The following RARB variants were observed in gnomAD, a reference collection of about 807,000 sequenced individuals.
RARB encodes the protein HBV-activated protein.
A neutral mutation model predicts 51.9 loss-of-function variants in RARB; 17 were observed. The ratio of observed to expected loss-of-function variants is 0.33; its 90% confidence interval spans 0.22 to 0.49. RARB has a LOEUF of 0.49. Among genes scored for constraint, RARB ranks in the 20% least tolerant of loss-of-function variants. The pLI, the probability that RARB is intolerant of heterozygous loss-of-function variation, is 0.99. For synonymous variants in RARB, 215 were observed against 195.4 expected (o/e 1.10, Z -0.84); for missense variants, 369 against 550.8 (o/e 0.67, Z 3.30).
rs1575210582 is a variant in RARB, at chr3:25,195,541, T to C, written c.178+20966T>C. Among the ~76,000 whole-genome samples the C allele has an allele frequency of 2.0e-5, 3 of 152,168 alleles. No homozygotes were observed. In the East Asian group the frequency reaches 5.8e-4, roughly 29 times the overall value. The stretch of plus-strand genomic sequence containing the variant: ...AGGTGAATTCATCACATCTTATTCC[T>C]TTAACTACTTTCCAACTTTACTGAA... On this transcript the variant is annotated intron_variant, in intron 5 of 11. Coordinates refer to the RARB transcript ENST00000383772.
intron 2 of RARB, among the ~76,000 whole-genome samples, chr3:25,485,333 C>G (rs902726734): frequency 6.6e-6 from 1 of 152,200 alleles, no homozygotes; most frequent in Non-Finnish European, 1.5e-5. Flanking sequence ...TATAAATCCT[C>G]AGACCCCAGA....
chr3:24,877,015 A>T (rs919873212), intron 2 of RARB, among the ~76,000 whole-genome samples: 1 of 152,298 alleles, frequency 6.6e-6, no homozygotes. Flanking sequence ...AATAGTACAA[A>T]TTGAAATGAC....
At chr3:25,372,487 A>G (rs1706330852) in intron 5 of RARB, among the ~76,000 whole-genome samples, 1 of 152,218 alleles carries the variant, frequency 6.6e-6, no homozygotes, top group Admixed American at 6.5e-5. Context: ...AGAGAGCTGT[A>G]ATATGTTCCA....
intron 3 of RARB, among the ~76,000 whole-genome samples, chr3:25,554,916 A>G (rs1369443412): frequency 6.6e-6 from 1 of 152,130 alleles, no homozygotes; most frequent in Non-Finnish European, 1.5e-5. Flanking sequence ...TTATAAAGCC[A>G]TCAGTTCCTC....
intron 5 of RARB, among the ~76,000 whole-genome samples, chr3:25,371,641 C>T (rs1706302249): frequency 6.6e-6 from 1 of 152,188 alleles, no homozygotes; most frequent in South Asian, 2.1e-4. Context: ...TAAACGCTCG[C>T]CCTGGGGCAA....
intron 2 of RARB, among the ~76,000 whole-genome samples, chr3:24,908,552 G>C (rs1301692566): frequency 1.3e-5 from 2 of 151,072 alleles, no homozygotes; most frequent in South Asian, 4.2e-4. Flanking sequence ...GTTTGGAAAT[G>C]CTTTCTTGAA....
At chr3:25,055,375 T>C (rs1178198233) in intron 2 of RARB, among the ~76,000 whole-genome samples, 1 of 152,152 alleles carries the variant, frequency 6.6e-6, no homozygotes, top group Non-Finnish European at 1.5e-5. Context: ...ATAATTCTGC[T>C]GTCAACAACA....
chr3:25,441,291 A>G, intron 1 of RARB: 1 of 402,102 alleles, frequency 2.5e-6, no homozygotes, highest in South Asian at 2.1e-5. Context: ...CTGGAAGCTC[A>G]GATCTGTTTT....
chr3:24,973,320 T>A (rs1180572785), intron 2 of RARB, among the ~76,000 whole-genome samples: 1 of 151,978 alleles, frequency 6.6e-6, no homozygotes, highest in Non-Finnish European at 1.5e-5. Flanking sequence ...CTCTATTCTG[T>A]TCCACTGATC....
chr3:25,281,485 C>T (rs906237777), intron 5 of RARB, among the ~76,000 whole-genome samples: 4 of 152,278 alleles, frequency 2.6e-5, no homozygotes, highest in Middle Eastern at 3.4e-3. Flanking sequence ...TATTCTCTTA[C>T]GGGTGAACCA....
intron 4 of RARB, among the ~76,000 whole-genome samples, chr3:25,158,228 C>A (rs943524634): frequency 5.9e-5 from 9 of 152,180 alleles, no homozygotes; most frequent in African/African-American, 2.2e-4. Flanking sequence ...CATAATTTTA[C>A]CTGAGAGATC....
At chr3:25,479,096 ATTCTG>A (rs1696102420) in intron 2 of RARB, among the ~76,000 whole-genome samples, 1 of 151,880 alleles carries the variant, frequency 6.6e-6, no homozygotes, top group Admixed American at 6.6e-5. Flanking sequence ...ACAGGCATGA[ATTCTG>A]TACATATTTC....
intron 4 of RARB, among the ~76,000 whole-genome samples, chr3:25,167,694 A>G (rs1248985839): frequency 1.3e-5 from 2 of 152,224 alleles, no homozygotes; most frequent in African/African-American, 2.4e-5. Flanking sequence ...TGAAGAAACT[A>G]AATCAGAGGG....
intron 5 of RARB, among the ~76,000 whole-genome samples, chr3:25,337,874 G>A (rs1705110102): frequency 1.3e-5 from 2 of 151,946 alleles, no homozygotes; most frequent in African/African-American, 4.8e-5. Context: ...GATTTAGAGT[G>A]GATACTCAAT....
intron 5 of RARB, among the ~76,000 whole-genome samples, chr3:25,257,199 A>T (rs886157553): frequency 4.6e-5 from 7 of 152,066 alleles, no homozygotes; most frequent in South Asian, 4.1e-4. Flanking sequence ...ACTTAATTTG[A>T]TGCTTGAATG....
At chr3:25,478,448 C>T (rs752424823) in intron 2 of RARB, among the ~76,000 whole-genome samples, 7 of 152,144 alleles carry the variant, frequency 4.6e-5, no homozygotes, top group Non-Finnish European at 1.0e-4. Context: ...TCTGTGCCCT[C>T]GGAAGACTAG....
rs547989349 is a variant in RARB, at chr3:25,339,890, C to T, written c.179-121303C>T. 5.3e-5 allele frequency among the ~76,000 whole-genome samples: 8 copies of T among 152,210 alleles called. No homozygotes were observed. The East Asian group carries it at 5.8e-4, about 11-fold the overall frequency. The stretch of plus-strand genomic sequence containing the variant: ...TTTCCACAAAACTGCATAAAACTTG[C>T]ACAACTCTGGCTGCAGTTTTTATAT... On this transcript the variant is annotated intron_variant, in intron 5 of 11. Coordinates refer to the RARB transcript ENST00000383772.
intron 2 of RARB, among the ~76,000 whole-genome samples, chr3:25,013,755 T>C (rs1199446686): frequency 6.6e-6 from 1 of 152,090 alleles, no homozygotes; most frequent in Non-Finnish European, 1.5e-5. Context: ...CAGAAAGGTC[T>C]CCCACACCGG....
At chr3:25,357,653 T>C (rs1705786421) in intron 5 of RARB, among the ~76,000 whole-genome samples, 1 of 152,340 alleles carries the variant, frequency 6.6e-6, no homozygotes, top group Admixed American at 6.5e-5. Flanking sequence ...AGGTCTTACA[T>C]TTAAATCTTT....
Sources: gnomAD v4.1 joint callset for allele counts (sites outside exome capture counted in the v4.1 genomes callset) on GRCh38, gnomAD v4.1.1 for gene constraint, MANE v1.5 for transcripts, NCBI Gene and HGNC (gene_info 2026-07-23, HGNC 2026-07-21) for gene names.